The following PGM1 variants were observed in gnomAD, a reference collection of about 807,000 sequenced individuals.
PGM1 encodes phosphoglucomutase-1.
A neutral mutation model predicts 55.6 loss-of-function variants in PGM1; 52 were observed. That is an observed-to-expected ratio of 0.94 (90% CI 0.75 to 1.18). The LOEUF (loss-of-function observed/expected upper bound fraction) is 1.18, where lower values mean the gene tolerates loss of function less well. Ranked by LOEUF, PGM1 falls within the 50% of genes most tolerant of loss-of-function variation. The pLI, the probability that PGM1 is intolerant of heterozygous loss-of-function variation, is 0.00. For missense variants in PGM1, 724 were observed against 729.3 expected, an observed-to-expected ratio of 0.99 and a Z score of 0.08; for synonymous variants, 287 against 271.7, an observed-to-expected ratio of 1.06 and a Z score of -0.55.
Position 63,654,330 on chromosome 1 carries a change from A to G in PGM1, c.1465-2A>G, listed in dbSNP as rs754655727. 10 of 1,613,796 alleles carry G rather than the reference A, an allele frequency of 6.2e-6. No homozygotes were observed. Among genetic ancestry groups the G allele is most frequent in the South Asian group, 1.1e-5 (1 of 91,060 alleles). Reference sequence around the variant, plus strand: ...AAAAAAATCTCTGCTTATCTTTTCCAGGGCTTGCGCCTCATTTTCACAGAT... The same window carrying G: ...AAAAAAATCTCTGCTTATCTTTTCCGGGGCTTGCGCCTCATTTTCACAGAT... On this transcript the variant is annotated splice_acceptor_variant, in intron 9 of 10. Transcript: ENST00000371084. LOFTEE classifies it high-confidence loss of function.
chr1:63,595,057 G>A (rs191167846), intron 1 of PGM1, among the ~76,000 whole-genome samples: 3 of 152,034 alleles, frequency 2.0e-5, no homozygotes, highest in Admixed American at 2.0e-4. Context: ...TGAGGACCAA[G>A]TTTTCTTTCT....
intron 10 of PGM1, among the ~76,000 whole-genome samples, chr1:63,658,893 T>C (rs1650038082): frequency 6.6e-6 from 1 of 152,084 alleles, no homozygotes; most frequent in East Asian, 1.9e-4. Context: ...ACAATCATGG[T>C]GGAAGGCAAG....
At chr1:63,610,951 G>A (rs1648548296) in intron 1 of PGM1, among the ~76,000 whole-genome samples, 1 of 152,080 alleles carries the variant, frequency 6.6e-6, no homozygotes, top group East Asian at 1.9e-4. Context: ...ACCCCTTATG[G>A]TTTTAGGATA....
In PGM1 at chr1:63,604,956, TG is replaced by T. The variant is rs1557703427; in HGVS notation, c.246+11223del. ...GTGTGTGTGTGTGTGTGTGTGTGTG[TG>T]TGTAAAGAGAGGGGATATAGTTGTA... On this transcript the variant is annotated intron_variant, in intron 1 of 10. Coordinates refer to ENST00000371084, the MANE Select transcript of PGM1 (RefSeq NM_002633.3). Among the ~76,000 whole-genome samples the T allele has an allele frequency of 3.5e-3, 487 of 137,944 alleles. 3 individuals carry two copies. The highest frequency in any genetic ancestry group is 0.013 in the African/African-American group (428 of 32,336). The allele number at this position is 137,944 out of a possible 152,430, so 90.5% of individuals were successfully genotyped here.
chr1:63,635,069 C>T, intron 5 of PGM1, 50 bp downstream of exon 5: 1 of 1,518,018 alleles, frequency 6.6e-7, no homozygotes, highest in South Asian at 1.1e-5. Context: ...AGGCCTGATC[C>T]TGCAGATGGG....
intron 1 of PGM1, among the ~76,000 whole-genome samples, chr1:63,626,848 G>A (rs855312): frequency 0.56 from 84,863 of 151,842 alleles, 23,770 homozygotes; most frequent in Admixed American, 0.63. Flanking sequence ...CTGAAAGTCT[G>A]TGTCCATTGA....
At chr1:63,643,902 TGTATGTTCAGGGGGCTGGAGG>T (rs1649586221) in intron 7 of PGM1, among the ~76,000 whole-genome samples, 1 of 152,182 alleles carries the variant, frequency 6.6e-6, no homozygotes, top group Non-Finnish European at 1.5e-5. Context: ...CAGTGAGAAC[TGTATGTTCAGGGGGCTGGAGG>T]AGAGAGAGAA....
chr1:63,653,723 G>A (rs1217516077), intron 9 of PGM1, among the ~76,000 whole-genome samples: 1 of 152,190 alleles, frequency 6.6e-6, no homozygotes, highest in African/African-American at 2.4e-5. Flanking sequence ...GCAGAGAGAA[G>A]GATGGGCTTG....
intron 1 of PGM1, among the ~76,000 whole-genome samples, chr1:63,612,946 AG>A (rs1648608214): frequency 1.3e-5 from 2 of 152,170 alleles, no homozygotes; most frequent in Admixed American, 1.3e-4. Context: ...CACTAATTAC[AG>A]GGGTCGTTTG....
At position 63,631,743 on chromosome 1, in the gene PGM1, C is replaced by A; in HGVS notation, c.643C>A (p.Pro215Thr). The A allele has an allele frequency of 6.2e-7, 1 of 1,613,500 alleles. No individual in the cohort carries two copies. The highest frequency in any genetic ancestry group is 1.3e-5 in the African/African-American group (1 of 75,010). Residue 215 changes from proline (P) to threonine (T), a missense_variant, in exon 4 of 11, where the codon CCA becomes ACA. Coordinates refer to ENST00000371084, the MANE Select transcript of PGM1 (RefSeq NM_002633.3). Reference sequence around the variant, plus strand: ...TGCACTGAAAGAACTACTTTCTGGGCCAAACCGACTGAAGATCCGTATTGA... The same window carrying A: ...TGCACTGAAAGAACTACTTTCTGGGACAAACCGACTGAAGATCCGTATTGA... The part of the protein sequence containing the change: ...FSALKELLSG[P>T]NRLKIRIDAM...
chr1:63,607,360 T>G (rs1007325886), intron 1 of PGM1, among the ~76,000 whole-genome samples: 2 of 152,184 alleles, frequency 1.3e-5, no homozygotes, highest in African/African-American at 4.8e-5. Flanking sequence ...GGGTTAAAGA[T>G]GTCCTCATTC....
chr1:63,622,889 T>C (rs1648919376), intron 1 of PGM1, among the ~76,000 whole-genome samples: 1 of 152,236 alleles, frequency 6.6e-6, no homozygotes, highest in Non-Finnish European at 1.5e-5. Context: ...CATTTTAAGA[T>C]TGACCTTTAA....
At chr1:63,602,399 G>C (rs1223890018) in intron 1 of PGM1, among the ~76,000 whole-genome samples, 1 of 152,192 alleles carries the variant, frequency 6.6e-6, no homozygotes, top group Non-Finnish European at 1.5e-5. Context: ...ATGCAGGGAA[G>C]GTGAAATTTT....
chr1:63,637,053 A>C (rs1434158243), intron 6 of PGM1, among the ~76,000 whole-genome samples: 1 of 152,378 alleles, frequency 6.6e-6, no homozygotes. Flanking sequence ...GGAAAACATT[A>C]GTTAGAATAT....
In PGM1 at chr1:63,659,803, G is replaced by T; in HGVS notation, c.*128G>T. The stretch of plus-strand genomic sequence containing the variant: ...GATTTGACTTTTTCACTAACCAGTT[G>T]ACGAGCAGTGCATTTACAAGGCACT... On this transcript the variant is annotated 3_prime_UTR_variant, in exon 11 of 11. Transcript: ENST00000371084. The T allele has an allele frequency of 1.4e-6, 1 of 736,980 alleles. No homozygotes were observed. The highest frequency in any genetic ancestry group is 1.5e-5 in the South Asian group (1 of 67,876). 45.7% of individuals were successfully genotyped at this position (736,980 alleles called of 1,614,324 possible).
chr1:63,632,353 T>G (rs2100984486), intron 4 of PGM1, among the ~76,000 whole-genome samples: 1 of 152,246 alleles, frequency 6.6e-6, no homozygotes, highest in South Asian at 2.1e-4. Flanking sequence ...CATGTAGGTA[T>G]ATGAGAATCC....
At chr1:63,614,311 T>G (rs943122891) in intron 1 of PGM1, among the ~76,000 whole-genome samples, 1 of 152,178 alleles carries the variant, frequency 6.6e-6, no homozygotes, top group Non-Finnish European at 1.5e-5. Context: ...CAAGACCCTT[T>G]TTAATAGTTA....
At chr1:63,627,738 C>A (rs1233014247) in intron 1 of PGM1, among the ~76,000 whole-genome samples, 1 of 152,086 alleles carries the variant, frequency 6.6e-6, no homozygotes, top group Non-Finnish European at 1.5e-5. Flanking sequence ...CCTTCCACAC[C>A]AAATACAATC....
chr1:63,611,071 G>T (rs1420108424), intron 1 of PGM1, among the ~76,000 whole-genome samples: 2 of 152,156 alleles, frequency 1.3e-5, no homozygotes, highest in Non-Finnish European at 2.9e-5. Context: ...TTTTCTTATT[G>T]CTTAATACAG....
Sources: gnomAD v4.1 joint callset for allele counts (sites outside exome capture counted in the v4.1 genomes callset) on GRCh38, gnomAD v4.1.1 for gene constraint, MANE v1.5 for transcripts, NCBI Gene and HGNC (gene_info 2026-07-23, HGNC 2026-07-21) for gene names.